The following C2orf92 variants were observed in gnomAD, a reference collection of about 807,000 sequenced individuals.
The protein encoded by C2orf92 is uncharacterized protein C2orf92.
chr2:97,684,936 A>ATTTTTTTTTTTTTTTTTTTTTTTTTTT (rs141197635), intron 3 of C2orf92, among the ~76,000 whole-genome samples: 1 of 150,302 alleles, frequency 6.7e-6, no homozygotes, highest in African/African-American at 2.4e-5. Flanking sequence ...TTTTATTTTT[A>ATTTTTTTTTTTTTTTTTTTTTTTTTTT]TTTTTATTTT....
At chr2:97,672,769 AGCAGCTCCTCATTGTCCTGGTG>A (rs1675454517) in intron 1 of C2orf92, among the ~76,000 whole-genome samples, 1 of 151,920 alleles carries the variant, frequency 6.6e-6, no homozygotes, top group Non-Finnish European at 1.5e-5. Flanking sequence ...AGGTGGTGAG[AGCAGCTCCTCATTGTCCTGGTG>A]ACCCCGATGG....
At chr2:97,680,319 A>T (rs1573209847) in intron 3 of C2orf92, among the ~76,000 whole-genome samples, 1 of 152,202 alleles carries the variant, frequency 6.6e-6, no homozygotes, top group African/African-American at 2.4e-5. Flanking sequence ...ACAAAAGAGC[A>T]AAATGGCAGA....
intron 6 of C2orf92, among the ~76,000 whole-genome samples, chr2:97,699,624 T>TA (rs1235938074): frequency 6.6e-6 from 1 of 151,796 alleles, no homozygotes; most frequent in African/African-American, 2.4e-5. Flanking sequence ...AATAAATAAA[T>TA]AAAAACCCAA....
chr2:97,666,529 C>CAAAAAAA, upstream of C2orf92, among the ~76,000 whole-genome samples: 1 of 70,380 alleles, frequency 1.4e-5, no homozygotes, highest in Non-Finnish European at 2.5e-5. Flanking sequence ...GACTCCGTCT[C>CAAAAAAA]AAAAAAAAAA....
upstream of C2orf92, chr2:97,668,211 G>A (rs139056941): frequency 6.6e-6 from 1 of 152,156 alleles, no homozygotes; most frequent in Non-Finnish European, 1.5e-5. Flanking sequence ...TTTTGTTTTG[G>A]AAGGTATTTT....
intron 3 of C2orf92, among the ~76,000 whole-genome samples, chr2:97,681,169 C>CTT (rs1675761211): frequency 5.7e-5 from 4 of 70,122 alleles, no homozygotes; most frequent in Admixed American, 1.6e-4. Context: ...AAGGAATAGA[C>CTT]TTGAACAGCA....
chr2:97,688,095 T>G (rs574091662), intron 3 of C2orf92, among the ~76,000 whole-genome samples: 3 of 152,130 alleles, frequency 2.0e-5, no homozygotes, highest in African/African-American at 7.2e-5. Context: ...GGCCTTGGCA[T>G]TGGAGGCCAC....
upstream of C2orf92, among the ~76,000 whole-genome samples, chr2:97,666,142 T>C (rs939597365): frequency 1.3e-5 from 2 of 152,040 alleles, no homozygotes; most frequent in African/African-American, 4.8e-5. Context: ...ATTTTGTTGT[T>C]GTAGGATTTT....
intron 3 of C2orf92, among the ~76,000 whole-genome samples, chr2:97,679,509 G>C (rs1416245983): frequency 1.3e-5 from 2 of 152,108 alleles, no homozygotes; most frequent in Non-Finnish European, 2.9e-5. Context: ...AAGGTAACCA[G>C]TAAATAATAA....
Position 97,674,464 on chromosome 2 carries a change from G to T in C2orf92, c.55G>T (p.Val19Leu), listed in dbSNP as rs1040712994. 5.0e-6 allele frequency: 2 copies of T among 398,466 alleles called. No homozygotes were observed. The highest frequency in any genetic ancestry group is 4.1e-5 in the African/African-American group (2 of 48,634). 24.7% of individuals were successfully genotyped at this position (398,466 alleles called of 1,614,324 possible). A position where few individuals can be genotyped will look rare whatever the true frequency, so the allele number is the denominator to read the frequency against. The change falls in exon 2 of 8, where the codon GTG becomes TTG. Residue 19 changes from valine (V) to leucine (L), a missense_variant. Val to Leu is a conservative substitution (Grantham distance 32, BLOSUM62 1). Coordinates refer to ENST00000627399, the MANE Select transcript of C2orf92 (RefSeq NM_001351368.2). Reference protein sequence around the residue: ...FVLCWIQDEIVLQVFSKVPYD... With the variant: ...FVLCWIQDEILLQVFSKVPYD... ...TGTTTGCTTCACTGGAGATGAAATT[G>T]TGCTCCAAGTGTTTTCCAAGGTTCC... is the stretch of plus-strand genomic sequence containing the variant.
chr2:97,687,173 T>G (rs767301935), intron 3 of C2orf92, among the ~76,000 whole-genome samples: 15 of 152,104 alleles, frequency 9.9e-5, no homozygotes, highest in Non-Finnish European at 1.8e-4. Context: ...CAGACCAGCC[T>G]AGGCAACATA....
At chr2:97,669,245 A>T (rs1472755614), upstream of C2orf92, 1 of 152,012 alleles carries the variant, frequency 6.6e-6, no homozygotes, top group African/African-American at 2.4e-5. Context: ...TTGGTGTTAT[A>T]ATTTTACCTA....
intron 5 of C2orf92, among the ~76,000 whole-genome samples, chr2:97,695,231 C>G (rs1420479838): frequency 6.6e-6 from 1 of 152,180 alleles, no homozygotes; most frequent in African/African-American, 2.4e-5. Context: ...AAATAATTTC[C>G]AAATCCAATG....
chr2:97,689,316 G>A (rs1676056312), intron 4 of C2orf92, among the ~76,000 whole-genome samples: 1 of 152,172 alleles, frequency 6.6e-6, no homozygotes, highest in South Asian at 2.1e-4. Flanking sequence ...GACAACAGGA[G>A]CCCCCAGCAG....
chr2:97,679,222 T>C (rs1675681473), intron 3 of C2orf92, among the ~76,000 whole-genome samples: 1 of 152,152 alleles, frequency 6.6e-6, no homozygotes, highest in African/African-American at 2.4e-5. Context: ...AAAAGTCTTA[T>C]TGTACTTTAG....
chr2:97,665,727 CTCTCTCTCTCTATATATATA>C (rs1216408120), upstream of C2orf92: 214 of 33,626 alleles, frequency 6.4e-3, no homozygotes, highest in African/African-American at 0.017. Context: ...CTCTCTCTCT[CTCTCTCTCTCTATATATATA>C]TATATATATA....
upstream of C2orf92, among the ~76,000 whole-genome samples, chr2:97,665,344 A>G (rs1675171124): frequency 6.6e-6 from 1 of 152,114 alleles, no homozygotes; most frequent in African/African-American, 2.4e-5. Flanking sequence ...ACACTTGCAT[A>G]ACCACCGAGT....
upstream of C2orf92, among the ~76,000 whole-genome samples, chr2:97,665,124 T>C (rs1304764790): frequency 6.6e-6 from 1 of 152,212 alleles, no homozygotes; most frequent in East Asian, 1.9e-4. Flanking sequence ...GGAATTGGCA[T>C]GCAGGTAGCC....
intron 1 of C2orf92, chr2:97,671,543 GAGTT>G (rs1675411281): frequency 2.5e-6 from 1 of 398,516 alleles, no homozygotes; most frequent in Non-Finnish European, 4.4e-6. Flanking sequence ...TGGATTTGAA[GAGTT>G]GCGTGCATGG....
Sources: allele counts gnomAD v4.1 joint callset (sites outside exome capture counted in the v4.1 genomes callset), GRCh38; gene constraint gnomAD v4.1.1; transcripts MANE v1.5; gene names NCBI Gene and HGNC (gene_info 2026-07-23, HGNC 2026-07-21).